Variants in RERE observed in about 807,000 individuals in gnomAD.
RERE encodes arginine-glutamic acid dipeptide repeats protein.
Under a neutral mutation model 146.1 loss-of-function variants are expected in RERE, and 40 were observed. The ratio of observed to expected loss-of-function variants is 0.27; its 90% CI spans 0.21 to 0.36. The LOEUF (loss-of-function observed/expected upper bound fraction) is 0.36. Ranked by LOEUF, RERE falls within the 10% of genes least tolerant of loss-of-function variation. The pLI, the probability that RERE is intolerant of heterozygous loss-of-function variation, is 1.00. For synonymous variants in RERE, 1,003 were observed against 866.0 expected (o/e 1.16, Z -2.78); for missense variants, 1,933 against 2,138.7 (o/e 0.90, Z 1.90).
At chr1:8,802,547 A>T (rs1487912425) in intron 1 of RERE, among the ~76,000 whole-genome samples, 1 of 152,152 alleles carries the variant, frequency 6.6e-6, no homozygotes, top group Non-Finnish European at 1.5e-5. Flanking sequence ...CAATCCTTCA[A>T]AACACAGGTG....
Position 8,782,488 on chromosome 1 carries a change from C to CA in RERE, c.-145+34671dup, listed in dbSNP as rs1349718555. Among the ~76,000 whole-genome samples, 3 of 152,246 alleles carry CA rather than the reference C, an allele frequency of 2.0e-5. No homozygotes were observed. The East Asian group carries it at 5.8e-4, about 29-fold the overall frequency. ...GCTTTACTTACACTTGCCACACACT[C>CA]ACAACTAGGTATCTCCAACCCAGGT... On this transcript the variant is annotated intron_variant, in intron 1 of 22. Coordinates refer to ENST00000400908, the MANE Select transcript of RERE (RefSeq NM_001042681.2).
chr1:8,717,238 G>A (rs1401545448), intron 1 of RERE, among the ~76,000 whole-genome samples: 1 of 152,174 alleles, frequency 6.6e-6, no homozygotes, highest in Non-Finnish European at 1.5e-5. Context: ...GAAAAAGAGA[G>A]TAAGAATAAG....
chr1:8,393,459 G>A (rs1570129399), intron 12 of RERE, among the ~76,000 whole-genome samples: 1 of 152,038 alleles, frequency 6.6e-6, no homozygotes, highest in African/African-American at 2.4e-5. Context: ...CCTTTCTCTT[G>A]CTGACTCAAT....
intron 4 of RERE, among the ~76,000 whole-genome samples, chr1:8,583,038 A>T (rs1646387024): frequency 6.6e-6 from 1 of 152,218 alleles, no homozygotes; most frequent in African/African-American, 2.4e-5. Flanking sequence ...TCTTGTCTTC[A>T]GTATCTATTT....
intron 11 of RERE, 29 bp from the exon 12 acceptor site, chr1:8,422,836 A>C (rs994542998): frequency 1.3e-6 from 2 of 1,507,154 alleles, no homozygotes; most frequent in Non-Finnish European, 1.8e-6. Flanking sequence ...AATGGGATGT[A>C]AAAACCAAAA....
chr1:8,815,861 GTATA>G (rs982609224), intron 1 of RERE, among the ~76,000 whole-genome samples: 1 of 151,544 alleles, frequency 6.6e-6, no homozygotes. Flanking sequence ...GTGTGTGTGT[GTATA>G]TGTGTGTCTG....
chr1:8,487,563 C>A (rs545065132), intron 10 of RERE, among the ~76,000 whole-genome samples: 2 of 152,046 alleles, frequency 1.3e-5, no homozygotes, highest in Admixed American at 6.6e-5. Flanking sequence ...GGGCAATAGA[C>A]CCTTTCTCAA....
Position 8,372,507 on chromosome 1 carries a change from C to CGTGTGTGTGTGGTGTGT in RERE, c.1285-6534_1285-6533insACACACCACACACACAC, listed in dbSNP as rs1553157692. ...TGCAGCCTGCCACCTACCATCAGGTCGTGTGTGTGTGTGTGTGTGTGTGTG... is the reference window on the plus strand; with the variant it reads ...TGCAGCCTGCCACCTACCATCAGGTCGTGTGTGTGTGGTGTGTGTGTGTGTGTGTGTGTGTGTGTGTG... On this transcript the variant is annotated intron_variant, in intron 12 of 22. Transcript: ENST00000400908. Among the ~76,000 whole-genome samples, 3 of 131,764 alleles carry CGTGTGTGTGTGGTGTGT rather than the reference C, an allele frequency of 2.3e-5. No individual in the cohort carries two copies. The East Asian group carries it at 8.4e-4, about 37-fold the overall frequency. The allele number at this position is 131,764 out of a possible 152,430, so 86.4% of individuals were successfully genotyped here. A position where few individuals can be genotyped will look rare whatever the true frequency, so the allele number is the denominator to read the frequency against.
intron 12 of RERE, among the ~76,000 whole-genome samples, chr1:8,389,990 C>T (rs1330248197): frequency 6.6e-6 from 1 of 152,158 alleles, no homozygotes; most frequent in Non-Finnish European, 1.5e-5. Context: ...GACTGAATTT[C>T]TCTGGCAGGA....
At chr1:8,757,151 G>C (rs911350456) in intron 1 of RERE, among the ~76,000 whole-genome samples, 1 of 150,428 alleles carries the variant, frequency 6.6e-6, no homozygotes, top group Non-Finnish European at 1.5e-5. Flanking sequence ...CATAAAGATG[G>C]AAGATAATGA....
intron 8 of RERE, among the ~76,000 whole-genome samples, chr1:8,502,936 G>A (rs1251471041): frequency 6.6e-6 from 1 of 150,932 alleles, no homozygotes; most frequent in African/African-American, 2.4e-5. Flanking sequence ...AAGTACCCAG[G>A]GACACAAACA....
At chr1:8,711,470 T>C (rs1328279878) in intron 1 of RERE, among the ~76,000 whole-genome samples, 1 of 152,198 alleles carries the variant, frequency 6.6e-6, no homozygotes, top group African/African-American at 2.4e-5. Flanking sequence ...TAAGGACATT[T>C]TCATTTTTAT....
At chr1:8,747,551 G>T (rs1569701556) in intron 1 of RERE, among the ~76,000 whole-genome samples, 1 of 151,968 alleles carries the variant, frequency 6.6e-6, no homozygotes, top group African/African-American at 2.4e-5. Context: ...ATTCATACTT[G>T]ATTTACTGAG....
At chr1:8,507,498 C>A (rs932433310) in intron 8 of RERE, among the ~76,000 whole-genome samples, 6 of 152,122 alleles carry the variant, frequency 3.9e-5, no homozygotes, top group Non-Finnish European at 5.9e-5. Flanking sequence ...ACCTCCGCCC[C>A]CTGGGTTCAA....
chr1:8,715,077 T>A (rs978859358), intron 1 of RERE, among the ~76,000 whole-genome samples: 2 of 151,890 alleles, frequency 1.3e-5, no homozygotes, highest in African/African-American at 4.8e-5. Flanking sequence ...TTTCACCATG[T>A]TCGCCAGGAT....
At chr1:8,601,626 C>CCACA (rs3082094) in intron 4 of RERE, among the ~76,000 whole-genome samples, 15,247 of 94,380 alleles carry the variant, frequency 0.16, 2,124 homozygotes, top group East Asian at 0.37. Context: ...TCCAAGGTCA[C>CCACA]CACACACACA....
chr1:8,470,117 A>G (rs976545016), intron 10 of RERE, among the ~76,000 whole-genome samples: 1 of 152,114 alleles, frequency 6.6e-6, no homozygotes, highest in Non-Finnish European at 1.5e-5. Context: ...GCCTCTTAAA[A>G]TATCCCTATT....
intron 1 of RERE, among the ~76,000 whole-genome samples, chr1:8,695,843 C>T (rs56318632): frequency 6.6e-6 from 1 of 152,044 alleles, no homozygotes; most frequent in East Asian, 1.9e-4. Context: ...TGACAAAGGT[C>T]TAATACCCAG....
At chr1:8,523,805 C>A (rs544360432) in intron 7 of RERE, among the ~76,000 whole-genome samples, 1 of 152,332 alleles carries the variant, frequency 6.6e-6, no homozygotes, top group African/African-American at 2.4e-5. Context: ...CAGATTTGTA[C>A]TAGGCCCACA....
Sources: allele counts gnomAD v4.1 joint callset (sites outside exome capture counted in the v4.1 genomes callset), GRCh38; gene constraint gnomAD v4.1.1; transcripts MANE v1.5; gene names NCBI Gene and HGNC (gene_info 2026-07-23, HGNC 2026-07-21).